ASPRV1: variants seen among roughly 807,000 people sequenced by gnomAD.
ASPRV1 encodes aspartic peptidase retroviral like 1.
In ASPRV1, 7 loss-of-function variants were observed where a neutral mutation model predicts 11.0. The ratio of observed to expected loss-of-function variants is 0.64; its 90% confidence interval spans 0.36 to 1.20. The LOEUF is 1.20. ASPRV1 is among the 50% of genes most tolerant of loss of function. The pLI, the probability that ASPRV1 is intolerant of heterozygous loss-of-function variation, is 0.02. For missense variants in ASPRV1, 299 were observed against 320.0 expected, an observed-to-expected ratio of 0.93 and a Z score of 0.50; for synonymous variants, 136 against 138.4, an observed-to-expected ratio of 0.98 and a Z score of 0.12.
At chr2:70,083,066 GGGAAGA>G in the ASPRV1 span, among the ~76,000 whole-genome samples, 1 of 152,144 alleles carries the variant, frequency 6.6e-6, no homozygotes, top group Non-Finnish European at 1.5e-5. Context: ...AGGGAAAAGA[GGGAAGA>G]GATTTTCTAA....
At chr2:70,033,703 TAGA>T in the ASPRV1 span, among the ~76,000 whole-genome samples, 15 of 152,314 alleles carry the variant, frequency 9.8e-5, no homozygotes, top group South Asian at 2.1e-4. Flanking sequence ...CACCCCTCTT[TAGA>T]AGAAGAACTG....
the ASPRV1 span, among the ~76,000 whole-genome samples, chr2:70,022,839 G>C: frequency 3.3e-5 from 5 of 151,836 alleles, no homozygotes; most frequent in African/African-American, 7.3e-5. Flanking sequence ...ACTATTTTTT[G>C]TGTATAAATT....
chr2:69,987,519 G>C, the ASPRV1 span, among the ~76,000 whole-genome samples: 1 of 149,908 alleles, frequency 6.7e-6, no homozygotes, highest in Non-Finnish European at 1.5e-5. Flanking sequence ...GCCAAGGCAG[G>C]AGGATCACTT....
chr2:70,034,628 T>TA, the ASPRV1 span, among the ~76,000 whole-genome samples: 1 of 151,776 alleles, frequency 6.6e-6, no homozygotes, highest in African/African-American at 2.4e-5. Context: ...GTCCAATACT[T>TA]AAAGAACCTG....
At chr2:69,983,864 C>T in the ASPRV1 span, among the ~76,000 whole-genome samples, 1 of 152,146 alleles carries the variant, frequency 6.6e-6, no homozygotes, top group Admixed American at 6.5e-5. Context: ...GCCCAGGATC[C>T]AAGCCAGCCA....
At chr2:69,991,690 G>A in the ASPRV1 span, among the ~76,000 whole-genome samples, 1 of 152,176 alleles carries the variant, frequency 6.6e-6, no homozygotes, top group African/African-American at 2.4e-5. Context: ...TGGGATTACA[G>A]GTATGCACCA....
At chr2:70,080,376 G>A in the ASPRV1 span, among the ~76,000 whole-genome samples, 1 of 152,132 alleles carries the variant, frequency 6.6e-6, no homozygotes, top group Admixed American at 6.5e-5. Context: ...GTAGGCATGT[G>A]CCACCACACT....
chr2:70,043,289 G>A, the ASPRV1 span, among the ~76,000 whole-genome samples: 1 of 152,042 alleles, frequency 6.6e-6, no homozygotes, highest in African/African-American at 2.4e-5. Context: ...GTGGTGGTGC[G>A]CGCCTGTAAT....
chr2:70,028,900 C>A, the ASPRV1 span, among the ~76,000 whole-genome samples: 1 of 152,008 alleles, frequency 6.6e-6, no homozygotes, highest in Non-Finnish European at 1.5e-5. Context: ...TGAGGCCGTG[C>A]CACTGCACTC....
At chr2:69,985,672 G>A in the ASPRV1 span, among the ~76,000 whole-genome samples, 9 of 152,196 alleles carry the variant, frequency 5.9e-5, no homozygotes, top group Non-Finnish European at 1.3e-4. Flanking sequence ...TTCAACAAAT[G>A]CATATGGGGC....
chr2:70,002,372 T>C, the ASPRV1 span, among the ~76,000 whole-genome samples: 1 of 152,226 alleles, frequency 6.6e-6, no homozygotes, highest in Non-Finnish European at 1.5e-5. Context: ...TTCTTGTGTG[T>C]TCTTCACACT....
chr2:69,998,855 G>A, the ASPRV1 span, among the ~76,000 whole-genome samples: 8 of 152,202 alleles, frequency 5.3e-5, no homozygotes, highest in Non-Finnish European at 1.0e-4. Flanking sequence ...ACTGGCTAGA[G>A]GCAGGGCTCC....
At chr2:69,993,833 T>C in the ASPRV1 span, 1 of 152,362 alleles carries the variant, frequency 6.6e-6, no homozygotes, top group East Asian at 1.9e-4. Context: ...TTTCCTGTTA[T>C]CTACAAGTCT....
the ASPRV1 span, chr2:70,080,995 T>A: frequency 2.0e-5 from 3 of 152,094 alleles, no homozygotes; most frequent in African/African-American, 7.2e-5. Context: ...TGTCTTGAAT[T>A]CGTAGGCTCA....
chr2:70,001,058 G>A, the ASPRV1 span, among the ~76,000 whole-genome samples: 3 of 151,972 alleles, frequency 2.0e-5, no homozygotes, highest in Non-Finnish European at 4.4e-5. Flanking sequence ...TAGGATTGGT[G>A]ACAAGAGCCT....
the ASPRV1 span, among the ~76,000 whole-genome samples, chr2:70,016,532 C>A: frequency 9.9e-5 from 15 of 152,008 alleles, no homozygotes; most frequent in Non-Finnish European, 1.6e-4. Flanking sequence ...CAAAGCAAGA[C>A]CAGCAAACCA....
the ASPRV1 span, among the ~76,000 whole-genome samples, chr2:70,035,283 G>A: frequency 1.3e-5 from 2 of 152,140 alleles, no homozygotes; most frequent in Non-Finnish European, 2.9e-5. Flanking sequence ...TGGGACTCAA[G>A]TGATACCAGC....
chr2:69,995,917 T>G, the ASPRV1 span, among the ~76,000 whole-genome samples: 1 of 152,142 alleles, frequency 6.6e-6, no homozygotes, highest in Non-Finnish European at 1.5e-5. Flanking sequence ...TGCAGATGGT[T>G]GGAATCATCC....
chr2:70,055,759 A>G, the ASPRV1 span: 1 of 152,100 alleles, frequency 6.6e-6, no homozygotes, highest in African/African-American at 2.4e-5. Context: ...TCTGGTTTTT[A>G]GAATAAAGAA....
Sources: gnomAD v4.1 joint callset for allele counts (sites outside exome capture counted in the v4.1 genomes callset) on GRCh38, gnomAD v4.1.1 for gene constraint, MANE v1.5 for transcripts, NCBI Gene and HGNC (gene_info 2026-07-23, HGNC 2026-07-21) for gene names.